The following MAP3K10 variants were observed in gnomAD, a reference collection of about 807,000 sequenced individuals.
The protein encoded by MAP3K10 is mitogen-activated protein kinase kinase kinase 10.
In MAP3K10, 22 loss-of-function variants were observed where a neutral mutation model predicts 75.0. The observed-to-expected ratio is 0.29, with a 90% CI of 0.21 to 0.42. MAP3K10 has a LOEUF of 0.42. Ranked by LOEUF, MAP3K10 falls within the 10% of genes least tolerant of loss-of-function variation. The probability of loss-of-function intolerance (pLI) is 1.00; values close to 1 mark genes in which losing one functional copy is unlikely to be tolerated. For missense variants in MAP3K10, 1,165 were observed against 1,379.8 expected (o/e 0.84, Z 2.47); for synonymous variants, 599 against 612.9 (o/e 0.98, Z 0.34).
Position 40,215,098 on chromosome 19 carries a change from G to A in MAP3K10, c.2671G>A (p.Ala891Thr). Reference protein sequence around the residue: ...LTFAPRPRPAASRPRLDPWKL... With the variant: ...LTFAPRPRPATSRPRLDPWKL... ...CTTTGCCCCGAGACCTCGGCCGGCT[G>A]CCAGTCGCCCCCGCTTGGACCCCTG... Residue 891 changes from alanine (A) to threonine (T), a missense_variant, in exon 10 of 10, where the codon GCC (alanine) becomes ACC (threonine). This residue lies in a region of MAP3K10 where 590 missense variants were observed against 586.6 expected (regional missense o/e 1.01). Coordinates refer to ENST00000253055, the MANE Select transcript of MAP3K10 (RefSeq NM_002446.4). 1 of 1,610,810 alleles carries A rather than the reference G, an allele frequency of 6.2e-7. No individual in the cohort carries two copies. The highest frequency in any genetic ancestry group is 2.2e-5 in the East Asian group (1 of 44,762).
chr19:40,203,502 G>A (rs1418294697), intron 2 of MAP3K10, among the ~76,000 whole-genome samples: 2 of 152,180 alleles, frequency 1.3e-5, no homozygotes, highest in African/African-American at 4.8e-5. Context: ...CGCACGCTCT[G>A]GTACCATGGA....
chr19:40,196,223 G>T (rs1474912177), intron 1 of MAP3K10, among the ~76,000 whole-genome samples: 1 of 152,062 alleles, frequency 6.6e-6, no homozygotes, highest in Non-Finnish European at 1.5e-5. Context: ...TGTGATAGAA[G>T]GTAGTAAAAT....
intron 2 of MAP3K10, among the ~76,000 whole-genome samples, chr19:40,203,400 C>A (rs1237310447): frequency 1.3e-5 from 2 of 152,086 alleles, no homozygotes; most frequent in Admixed American, 1.3e-4. Flanking sequence ...GGATCTACTC[C>A]AGGATAAACA....
rs1973263572 is a variant in MAP3K10 at position 40,212,776 on chromosome 19, C to G, written c.1553-29C>G. ...GCCCAGTGGGGACAGATCCTCCACCCAGTAACCAAGTGGCTTCTCTGGACC... is the reference window on the plus strand; with the variant it reads ...GCCCAGTGGGGACAGATCCTCCACCGAGTAACCAAGTGGCTTCTCTGGACC... On this transcript the variant is annotated intron_variant, in intron 6 of 9. Transcript: ENST00000253055. This position sits in a 1 kb window ranked among gnomAD's most constrained non-coding sequence, Gnocchi z 4.2. The G allele has an allele frequency of 6.4e-7, 1 of 1,569,646 alleles. No homozygotes were observed.
At position 40,205,210 on chromosome 19, in the gene MAP3K10, A is replaced by G. The variant is rs1348358878; in HGVS notation, c.1102A>G (p.Met368Val). Reference protein sequence around the residue: ...EVIEQSALFQMPLESFHSLQE... With the variant: ...EVIEQSALFQVPLESFHSLQE... ...CATCGAACAGTCAGCCCTGTTCCAG[A>G]TGCCACTGGAGTCCTTCCACTCGCT... The change falls in exon 4 of 10, where the codon ATG becomes GTG. Residue 368 changes from methionine to valine, a missense_variant. Met to Val is a conservative substitution (Grantham distance 21, BLOSUM62 1). Around this residue, in one of 2 missense-constraint regions of MAP3K10, gnomAD observed 575 missense variants for 793.2 expected, o/e 0.72. Coordinates refer to ENST00000253055, the MANE Select transcript of MAP3K10 (RefSeq NM_002446.4). This position sits in a 1 kb window ranked among gnomAD's most constrained non-coding sequence, Gnocchi z 4.3. The G allele has an allele frequency of 6.2e-7, 1 of 1,614,086 alleles. No individual in the cohort carries two copies. Among genetic ancestry groups the G allele is most frequent in the Non-Finnish European group, 8.5e-7 (1 of 1,179,994 alleles).
chr19:40,194,019 T>C (rs889551693), intron 1 of MAP3K10, among the ~76,000 whole-genome samples: 1 of 152,178 alleles, frequency 6.6e-6, no homozygotes, highest in African/African-American at 2.4e-5. Flanking sequence ...GCCCCTAGAA[T>C]AGAGGGACTG....
chr19:40,213,530 G>A lies in MAP3K10; in HGVS notation c.1851G>A (p.Glu617=). The A allele has an allele frequency of 6.2e-7, 1 of 1,612,066 alleles. No homozygotes were observed. The highest frequency in any genetic ancestry group is 8.5e-7 in the Non-Finnish European group (1 of 1,179,420). ...ASLNEMEEFA[E]AEDGGSSVPP... Reference sequence around the variant, plus strand: ...CTCCGGTTGCAGAGGAGTTCGCGGAGGCAGAGGATGGAGGCAGCAGCGTGC... The same window carrying A: ...CTCCGGTTGCAGAGGAGTTCGCGGAAGCAGAGGATGGAGGCAGCAGCGTGC... The change falls in exon 9 of 10, where the codon GAG becomes GAA. Residue 617 remains glutamate (E), a synonymous_variant. Coordinates refer to ENST00000253055, the MANE Select transcript of MAP3K10 (RefSeq NM_002446.4). The surrounding 1 kb of genome is among the most constrained non-coding windows in gnomAD (Gnocchi z 5.7).
In MAP3K10 at chr19:40,214,002, T is replaced by TACCCCC; in HGVS notation, c.2323_2324insACCCCC (p.Ser775delinsTyrProPro). The TACCCCC allele has an allele frequency of 6.7e-7, 1 of 1,493,660 alleles. No homozygotes were observed. Among genetic ancestry groups the TACCCCC allele is most frequent in the Non-Finnish European group, 8.9e-7 (1 of 1,123,844 alleles). 92.5% of individuals were successfully genotyped at this position (1,493,660 alleles called of 1,614,324 possible). A position where few individuals can be genotyped will look rare whatever the true frequency, so the allele number is the denominator to read the frequency against. On this transcript the variant is annotated protein_altering_variant, in exon 9 of 10. Transcript: ENST00000253055. ...TGACGAGGCCGCACCGGCCGCGCCC[T>TACCCCC]CCCCACCACCCTCCCCGCCCGCGCC...
intron 9 of MAP3K10, among the ~76,000 whole-genome samples, chr19:40,214,594 G>A (rs549370406): frequency 2.6e-5 from 4 of 152,262 alleles, no homozygotes; most frequent in Admixed American, 6.5e-5. Flanking sequence ...TTAAGTTATG[G>A]TTATTCTATT....
At chr19:40,211,529 C>A (rs1049806200) in intron 6 of MAP3K10, among the ~76,000 whole-genome samples, 2 of 151,114 alleles carry the variant, frequency 1.3e-5, no homozygotes, top group Non-Finnish European at 2.9e-5. Flanking sequence ...CTCCCTCCCC[C>A]ACCCTACCCC....
intron 6 of MAP3K10, among the ~76,000 whole-genome samples, 159 bp downstream of exon 6, chr19:40,209,378 TAAGTC>T (rs1973192749): frequency 6.6e-6 from 1 of 151,732 alleles, no homozygotes; most frequent in Admixed American, 6.6e-5. Context: ...AGTAAACAAA[TAAGTC>T]AGTAAGCAGG....
rs771714892 is a variant in MAP3K10, at chr19:40,213,474, C to G, written c.1838-43C>G. On this transcript the variant is annotated intron_variant, in intron 8 of 9. Coordinates refer to ENST00000253055, the MANE Select transcript of MAP3K10 (RefSeq NM_002446.4). This position sits in a 1 kb window ranked among gnomAD's most constrained non-coding sequence, Gnocchi z 5.7. ...CCTTGGCACAAGTCCCCGTGGGGCCCTGGCCAGCCCTGCAGCGGAGTGATG... is the reference window on the plus strand; with the variant it reads ...CCTTGGCACAAGTCCCCGTGGGGCCGTGGCCAGCCCTGCAGCGGAGTGATG... 5 of 1,600,502 alleles carry G rather than the reference C, an allele frequency of 3.1e-6. No homozygotes were observed. The East Asian group carries it at 1.1e-4, about 36-fold the overall frequency.
chr19:40,205,158 C>T lies in MAP3K10; in HGVS notation c.1050C>T (p.Phe350=), dbSNP rs375223270. 5.9e-5 allele frequency: 96 copies of T among 1,613,878 alleles called. 1 individual carries two copies. In the South Asian group the frequency reaches 8.3e-4, roughly 14 times the overall value. The part of the protein sequence containing the change: ...WDPDPHGRPD[F]GSILKRLEVI... ...CAGACCCCCACGGGCGGCCAGATTT[C>T]GGTAGCATCTTGAAGCGGCTTGAAG... Residue 350 remains phenylalanine, a synonymous_variant, in exon 4 of 10, where the codon TTC becomes TTT. Coordinates refer to ENST00000253055, the MANE Select transcript of MAP3K10 (RefSeq NM_002446.4). This position sits in a 1 kb window ranked among gnomAD's most constrained non-coding sequence, Gnocchi z 4.3.
chr19:40,214,922 C>A, intron 9 of MAP3K10, 48 bp from the exon 10 acceptor site: 2 of 839,432 alleles, frequency 2.4e-6, no homozygotes, highest in Non-Finnish European at 3.9e-6. Context: ...CTTTTTAATG[C>A]CACCCTCTGC....
intron 5 of MAP3K10, among the ~76,000 whole-genome samples, chr19:40,208,320 C>T (rs1461177930): frequency 2.0e-5 from 3 of 148,816 alleles, no homozygotes; most frequent in Non-Finnish European, 4.5e-5. Context: ...TACAGGCACC[C>T]GCCACCACGC....
At chr19:40,195,919 T>C (rs1346511349) in intron 1 of MAP3K10, among the ~76,000 whole-genome samples, 1 of 152,172 alleles carries the variant, frequency 6.6e-6, no homozygotes, top group African/African-American at 2.4e-5. Flanking sequence ...ACCTTACTAT[T>C]ATTATTATGA....
intron 5 of MAP3K10, 128 bp downstream of exon 5, chr19:40,206,285 C>T (rs575651834): frequency 1.7e-6 from 2 of 1,166,824 alleles, no homozygotes; most frequent in East Asian, 5.4e-5. Context: ...AGTCAGTGAT[C>T]AGCCCAGTGC....
intron 6 of MAP3K10, among the ~76,000 whole-genome samples, chr19:40,210,679 C>T (rs1369158288): frequency 6.6e-6 from 1 of 150,816 alleles, no homozygotes; most frequent in Non-Finnish European, 1.5e-5. Flanking sequence ...CCAGCCTGGG[C>T]GACAGAGTGA....
At position 40,212,573 on chromosome 19, in the gene MAP3K10, G is replaced by A. The variant is rs1394727143; in HGVS notation, c.1553-232G>A. ...GTGAAGAGGAGGGGAGGCTGGAGGA[G>A]TTGGCAGGGAACCGCTCATGGCCTT... On this transcript the variant is annotated intron_variant, in intron 6 of 9. Coordinates refer to ENST00000253055, the MANE Select transcript of MAP3K10 (RefSeq NM_002446.4). This position sits in a 1 kb window ranked among gnomAD's most constrained non-coding sequence, Gnocchi z 4.2. Among the ~76,000 whole-genome samples the A allele has an allele frequency of 6.6e-6, 1 of 152,226 alleles. No homozygotes were observed. The highest frequency in any genetic ancestry group is 2.4e-5 in the African/African-American group (1 of 41,448).
Sources: gnomAD v4.1 joint callset for allele counts (sites outside exome capture counted in the v4.1 genomes callset) on GRCh38, gnomAD v4.1.1 for gene constraint, gnomAD v4.1.1 regional missense constraint, Gnocchi (gnomAD v3.1) non-coding constraint, MANE v1.5 for transcripts, NCBI Gene and HGNC (gene_info 2026-07-23, HGNC 2026-07-21) for gene names.